Variants in ZNF483 observed in about 807,000 individuals in gnomAD.
The protein encoded by ZNF483 is zinc finger protein HIT-10.
Under a neutral mutation model 28.6 loss-of-function variants are expected in ZNF483, and 9 were observed. The observed-to-expected ratio is 0.32, with a 90% CI of 0.19 to 0.55. ZNF483 has a LOEUF of 0.55. ZNF483 is among the 20% of genes least tolerant of loss of function. The probability of loss-of-function intolerance (pLI) is 0.93; values close to 1 mark genes in which losing one functional copy is unlikely to be tolerated. For synonymous variants in ZNF483, 322 were observed against 306.2 expected (o/e 1.05, Z -0.54); for missense variants, 675 against 871.7 (o/e 0.77, Z 2.84).
At position 111,549,631 on chromosome 9, in the gene ZNF483, A is replaced by C. The variant is rs1045998334; in HGVS notation, c.*6461A>C. 2.5e-5 allele frequency: 27 copies of C among 1,078,650 alleles called. 1 individual carries two copies. In the South Asian group the frequency reaches 3.9e-4, roughly 16 times the overall value. 66.8% of individuals were successfully genotyped at this position (1,078,650 alleles called of 1,614,324 possible). ...AACCTACCTGTAGCTCTTCTGGGGC[A>C]GCGGTCGTGGTGGTGGTGGCAGCGG... On this transcript the variant is annotated 3_prime_UTR_variant, in exon 6 of 6. Transcript: ENST00000309235.
intron 5 of ZNF483, among the ~76,000 whole-genome samples, chr9:111,567,081 CAA>C (rs1347415361): frequency 1.8e-5 from 2 of 108,306 alleles, no homozygotes; most frequent in Admixed American, 9.8e-5. Flanking sequence ...GACCCTGTCT[CAA>C]AAAAAAAAAA....
At position 111,555,255 on chromosome 9, in the gene ZNF483, G is replaced by T. The variant is rs1227667772; in HGVS notation, c.*12085G>T. ...CCTCTCATTTCCTGTGGGAATTGTG[G>T]TGAATTGATAATCACCTGGCAAAAT... On this transcript the variant is annotated 3_prime_UTR_variant, in exon 6 of 6. Coordinates refer to ENST00000309235, the MANE Select transcript of ZNF483 (RefSeq NM_133464.5). Among the ~76,000 whole-genome samples the T allele has an allele frequency of 2.6e-5, 4 of 152,104 alleles. No individual in the cohort carries two copies. The highest frequency in any genetic ancestry group is 5.9e-5 in the Non-Finnish European group (4 of 68,028).
rs1287645480 is a variant in ZNF483 at position 111,527,623 on chromosome 9, C to G, written c.228C>G (p.Leu76=). Residue 76 remains leucine (L), a synonymous_variant, in exon 2 of 6, where the codon CTC becomes CTG. Transcript: ENST00000309235. The stretch of plus-strand genomic sequence containing the variant: ...AAGCTCTGAGTCAACTCTGGGAGCT[C>G]TGCAATCAGTGGCTGAGACCAGACA... ...PRKALSQLWE[L]CNQWLRPDIH... is the part of the protein sequence containing the mutation. The G allele has an allele frequency of 6.2e-7, 1 of 1,614,170 alleles. No individual in the cohort carries two copies. The highest frequency in any genetic ancestry group is 2.2e-5 in the East Asian group (1 of 44,890).
Position 111,545,488 on chromosome 9 carries a change from T to A in ZNF483, c.*2318T>A, listed in dbSNP as rs1827785230. On this transcript the variant is annotated 3_prime_UTR_variant, in exon 6 of 6. Transcript: ENST00000309235. The stretch of plus-strand genomic sequence containing the variant: ...GTACAATTCAGTGAGTTTTAGTAAA[T>A]ATGCTGAGTTGTGCAACCATTACCA... Among the ~76,000 whole-genome samples, 1 of 152,186 alleles carries A rather than the reference T, an allele frequency of 6.6e-6. No individual in the cohort carries two copies. The highest frequency in any genetic ancestry group is 6.5e-5 in the Admixed American group (1 of 15,276).
downstream of ZNF483, among the ~76,000 whole-genome samples, chr9:111,559,106 G>A (rs1355138793): frequency 6.6e-6 from 1 of 151,984 alleles, no homozygotes; most frequent in East Asian, 1.9e-4. Context: ...CTCCCCTCAG[G>A]CTCTGACCTC....
At position 111,549,956 on chromosome 9, in the gene ZNF483, C is replaced by T. The variant is rs538108986; in HGVS notation, c.*6786C>T. ...TCAATACTTGTTTCTTTGTATGCATCGTGATTGTTTTTGTTGACAGCTAGA... is the reference window on the plus strand; with the variant it reads ...TCAATACTTGTTTCTTTGTATGCATTGTGATTGTTTTTGTTGACAGCTAGA... On this transcript the variant is annotated 3_prime_UTR_variant, in exon 6 of 6. Coordinates refer to ENST00000309235, the MANE Select transcript of ZNF483 (RefSeq NM_133464.5). Among the ~76,000 whole-genome samples, 2 of 152,204 alleles carry T rather than the reference C, an allele frequency of 1.3e-5. No individual in the cohort carries two copies. The highest frequency in any genetic ancestry group is 1.3e-4 in the Admixed American group (2 of 15,286).
chr9:111,561,156 A>G lies in ZNF483; in HGVS notation c.722-15209A>G, dbSNP rs1201581846. Among the ~76,000 whole-genome samples the G allele has an allele frequency of 3.1e-4, 34 of 110,166 alleles. 2 individuals are homozygous for G. In the East Asian group the frequency reaches 3.5e-3, roughly 11 times the overall value. The allele number at this position is 110,166 out of a possible 152,430, so 72.3% of individuals were successfully genotyped here. A position where few individuals can be genotyped will look rare whatever the true frequency, so the allele number is the denominator to read the frequency against. On this transcript the variant is annotated intron_variant, in intron 5 of 5. Coordinates refer to the ZNF483 transcript ENST00000358151. The stretch of plus-strand genomic sequence containing the variant: ...AGAGAGAGGAGAGAGAGGGAGAGAG[A>G]GAGAGAGAGAGAGAGAGAGAGAAAG...
Position 111,553,297 on chromosome 9 carries a change from G to GT in ZNF483, c.*10129dup, listed in dbSNP as rs1564604254. On this transcript the variant is annotated 3_prime_UTR_variant, in exon 6 of 6. Coordinates refer to ENST00000309235, the MANE Select transcript of ZNF483 (RefSeq NM_133464.5). ...GTCTCTAGTCTTCTTGACTATGCCA[G>GT]TTGTAGTACCAGCTTCTGTATCTGC... is the stretch of plus-strand genomic sequence containing the variant. Among the ~76,000 whole-genome samples the GT allele has an allele frequency of 6.6e-6, 1 of 152,176 alleles. No individual in the cohort carries two copies. The highest frequency in any genetic ancestry group is 2.4e-5 in the African/African-American group (1 of 41,434).
Position 111,551,671 on chromosome 9 carries a change from G to A in ZNF483, c.*8501G>A, listed in dbSNP as rs1288075336. 7.2e-5 allele frequency among the ~76,000 whole-genome samples: 11 copies of A among 151,728 alleles called. No homozygotes were observed. The highest frequency in any genetic ancestry group is 7.2e-4 in the Admixed American group (11 of 15,232). On this transcript the variant is annotated 3_prime_UTR_variant, in exon 6 of 6. Transcript: ENST00000309235. ...CCTGTCTCGGCCTCCCAAAGTGCCGGGATTACAGGTGTGAACCGCCACACA... is the reference window on the plus strand; with the variant it reads ...CCTGTCTCGGCCTCCCAAAGTGCCGAGATTACAGGTGTGAACCGCCACACA...
At chr9:111,526,222 G>A (rs2132206843) in intron 1 of ZNF483, among the ~76,000 whole-genome samples, 1 of 152,320 alleles carries the variant, frequency 6.6e-6, no homozygotes, top group East Asian at 1.9e-4. Flanking sequence ...AACATTCCGA[G>A]GAGAGGGAAT....
rs1827862829 is a variant in ZNF483, at chr9:111,548,839, ATTAAGAG to A, written c.*5671_*5677del. ...ACAGTTTTTTTTTTTTTCTTTCTGC[ATTAAGAG>A]TATAACAACGCCACAGCCTTCTGGC... On this transcript the variant is annotated 3_prime_UTR_variant, in exon 6 of 6. Coordinates refer to ENST00000309235, the MANE Select transcript of ZNF483 (RefSeq NM_133464.5). 6.7e-6 allele frequency among the ~76,000 whole-genome samples: 1 copy of A among 148,968 alleles called. No homozygotes were observed. The highest frequency in any genetic ancestry group is 2.5e-5 in the African/African-American group (1 of 40,278).
chr9:111,569,933 G>A, intron 5 of ZNF483: 1 of 1,216,200 alleles, frequency 8.2e-7, no homozygotes, highest in South Asian at 1.5e-5. Flanking sequence ...TCAAAGATGG[G>A]AAAAGTAAGA....
chr9:111,573,611 T>A (rs1465578854), intron 5 of ZNF483, among the ~76,000 whole-genome samples: 1 of 152,166 alleles, frequency 6.6e-6, no homozygotes, highest in Non-Finnish European at 1.5e-5. Context: ...ATTTGTGATC[T>A]CTCTTAATAG....
chr9:111,557,912 G>A (rs1022383886), downstream of ZNF483, among the ~76,000 whole-genome samples: 1 of 152,128 alleles, frequency 6.6e-6, no homozygotes, highest in Non-Finnish European at 1.5e-5. Context: ...GCTTTGGGAG[G>A]CCAAGGCAGG....
chr9:111,539,421 C>T (rs1012696594), intron 5 of ZNF483: 1 of 455,944 alleles, frequency 2.2e-6, no homozygotes, highest in African/African-American at 2.0e-5. Context: ...TTTAGTAATT[C>T]TGCTTTTATG....
At chr9:111,562,769 C>G in intron 5 of ZNF483, 3 of 226,720 alleles carry the variant, frequency 1.3e-5, no homozygotes, top group Non-Finnish European at 2.4e-5. Flanking sequence ...CTTCCACAGG[C>G]CCCAGCGTGT....
chr9:111,542,951 C>T lies in ZNF483; in HGVS notation c.2016C>T (p.Phe672=). The T allele has an allele frequency of 6.2e-7, 1 of 1,614,046 alleles. No individual in the cohort carries two copies. The highest frequency in any genetic ancestry group is 8.5e-7 in the Non-Finnish European group (1 of 1,179,964). ...PYKCKECGKS[F]SQSSSLNEHH... ...AATGTAAAGAATGTGGGAAGTCCTT[C>T]AGTCAGAGTTCATCTCTTAATGAGC... The change falls in exon 6 of 6, where the codon TTC becomes TTT. Residue 672 remains phenylalanine, a synonymous_variant. Coordinates refer to ENST00000309235, the MANE Select transcript of ZNF483 (RefSeq NM_133464.5). The surrounding 1 kb of genome is among the most constrained non-coding windows in gnomAD (Gnocchi z 6.2).
chr9:111,549,260 T>G lies in ZNF483; in HGVS notation c.*6090T>G, dbSNP rs922008584. 1.1e-4 allele frequency among the ~76,000 whole-genome samples: 17 copies of G among 152,238 alleles called. No homozygotes were observed. Among genetic ancestry groups the G allele is most frequent in the African/African-American group, 4.1e-4 (17 of 41,458 alleles). On this transcript the variant is annotated 3_prime_UTR_variant, in exon 6 of 6. Coordinates refer to ENST00000309235, the MANE Select transcript of ZNF483 (RefSeq NM_133464.5). ...ATTTCTTGATCACTGGGGAGAAATA[T>G]CTTACAATTCTGAAAACACACTGTC...
exon 6 of ZNF483, chr9:111,576,421 G>A (rs1421234470): frequency 6.2e-7 from 1 of 1,613,972 alleles, no homozygotes; most frequent in Non-Finnish European, 8.5e-7. Context: ...ATAAGACCAT[G>A]CTCTGCCTTC....
Sources: gnomAD v4.1 joint callset for allele counts (sites outside exome capture counted in the v4.1 genomes callset) on GRCh38, gnomAD v4.1.1 for gene constraint, Gnocchi (gnomAD v3.1) non-coding constraint, MANE v1.5 for transcripts, NCBI Gene and HGNC (gene_info 2026-07-23, HGNC 2026-07-21) for gene names.